The following DGKG variants were observed in gnomAD, a reference collection of about 807,000 sequenced individuals.
DGKG encodes DAG kinase gamma.
A neutral mutation model predicts 105.3 loss-of-function variants in DGKG; 78 were observed. The observed-to-expected ratio is 0.74, with a 90% CI of 0.62 to 0.89. The LOEUF is 0.89. Ranked by LOEUF, DGKG falls within the 40% of genes least tolerant of loss-of-function variation. The probability of loss-of-function intolerance (pLI) is 0.00; values close to 1 mark genes in which losing one functional copy is unlikely to be tolerated. For missense variants in DGKG, 958 were observed against 1,020.1 expected, an observed-to-expected ratio of 0.94 and a Z score of 0.83; for synonymous variants, 346 against 367.1, an observed-to-expected ratio of 0.94 and a Z score of 0.66.
At position 186,299,585 on chromosome 3, in the gene DGKG, C is replaced by T. The variant is rs13077910; in HGVS notation, c.145-1356G>A. Reference sequence around the variant, plus strand: ...CACATTTCTTGTGACAGCTACCCATCTCTCTGTTCCTTTTCTGTCCCCGAG... The same window carrying T: ...CACATTTCTTGTGACAGCTACCCATTTCTCTGTTCCTTTTCTGTCCCCGAG... On this transcript the variant is annotated intron_variant, in intron 3 of 24. Coordinates refer to ENST00000265022, the MANE Select transcript of DGKG (RefSeq NM_001346.3). 2.0e-5 allele frequency among the ~76,000 whole-genome samples: 3 copies of T among 152,152 alleles called. No individual in the cohort carries two copies. The East Asian group carries it at 5.8e-4, about 29-fold the overall frequency.
intron 21 of DGKG, among the ~76,000 whole-genome samples, chr3:186,207,721 C>T (rs7623188): frequency 0.18 from 26,725 of 152,226 alleles, 2,511 homozygotes; most frequent in Middle Eastern, 0.28. Flanking sequence ...AGGGCCCTGG[C>T]CATGTGTCTA....
At chr3:186,296,218 C>T (rs759302947) in intron 5 of DGKG, among the ~76,000 whole-genome samples, 21 of 152,072 alleles carry the variant, frequency 1.4e-4, no homozygotes, top group Non-Finnish European at 2.1e-4. Context: ...CTGTTCTAAG[C>T]GTTAACATAT....
chr3:186,189,365 G>C (rs187860930), intron 21 of DGKG, among the ~76,000 whole-genome samples: 91 of 152,268 alleles, frequency 6.0e-4, no homozygotes, highest in Admixed American at 5.4e-3. Flanking sequence ...CTTTGGCATC[G>C]TGCTTACCAA....
chr3:186,260,913 G>A (rs1347696511), intron 15 of DGKG, among the ~76,000 whole-genome samples: 1 of 152,186 alleles, frequency 6.6e-6, no homozygotes, highest in African/African-American at 2.4e-5. Context: ...AAGCATCACA[G>A]GACCCCCTCC....
chr3:186,239,866 G>T (rs1306100098), intron 20 of DGKG, among the ~76,000 whole-genome samples: 1 of 148,900 alleles, frequency 6.7e-6, no homozygotes, highest in African/African-American at 2.5e-5. Context: ...CAGTGAATTT[G>T]TTCATACTTT....
intron 22 of DGKG, among the ~76,000 whole-genome samples, chr3:186,184,752 C>T (rs536412223): frequency 6.6e-6 from 1 of 152,208 alleles, no homozygotes; most frequent in Admixed American, 6.5e-5. Flanking sequence ...CTTCCATTTC[C>T]TATGATAAGC....
intron 1 of DGKG, among the ~76,000 whole-genome samples, chr3:186,323,386 T>A (rs1725174447): frequency 6.6e-6 from 1 of 152,250 alleles, no homozygotes; most frequent in Non-Finnish European, 1.5e-5. Context: ...TTAGTCCTCT[T>A]AATAACATGT....
In DGKG at chr3:186,161,887, C is replaced by G. The variant is rs553227156; in HGVS notation, c.2217-224G>C. 1.2e-3 allele frequency among the ~76,000 whole-genome samples: 181 copies of G among 150,300 alleles called. 1 individual carries two copies. Among genetic ancestry groups the G allele is most frequent in the Admixed American group, 2.7e-3 (41 of 15,084 alleles). ...GGCCCAGTGGTCTGTGTTTCTGTGTCTGTGTGTGTGTGTGTGTGTGTTTTG... is the reference window on the plus strand; with the variant it reads ...GGCCCAGTGGTCTGTGTTTCTGTGTGTGTGTGTGTGTGTGTGTGTGTTTTG... On this transcript the variant is annotated intron_variant, in intron 23 of 24. Coordinates refer to ENST00000265022, the MANE Select transcript of DGKG (RefSeq NM_001346.3).
At chr3:186,272,233 C>T (rs377016219) in intron 11 of DGKG, 22 bp downstream of exon 11, 278 of 1,578,492 alleles carry the variant, frequency 1.8e-4, no homozygotes, top group Non-Finnish European at 2.1e-4. Flanking sequence ...TGCAGTAGAA[C>T]AAGGCAGTAG....
chr3:186,292,421 G>T (rs924208554), intron 5 of DGKG, among the ~76,000 whole-genome samples: 1 of 152,198 alleles, frequency 6.6e-6, no homozygotes, highest in Non-Finnish European at 1.5e-5. Context: ...AGAGGGGATT[G>T]CATTAAAACT....
Position 186,148,978 on chromosome 3 carries a change from A to AAAT in DGKG, c.*1111_*1112insATT. On this transcript the variant is annotated 3_prime_UTR_variant, in exon 25 of 25. Coordinates refer to ENST00000265022, the MANE Select transcript of DGKG (RefSeq NM_001346.3). ...AAATATTTATATATATATATATATA[A>AAAT]ATATATAGGCTAAATATATATATAT... The AAAT allele has an allele frequency of 6.6e-6, 4 of 601,568 alleles. No individual in the cohort carries two copies. The highest frequency in any genetic ancestry group is 7.3e-5 in the South Asian group (1 of 13,772). 37.3% of individuals were successfully genotyped at this position (601,568 alleles called of 1,614,324 possible). A position where few individuals can be genotyped will look rare whatever the true frequency, so the allele number is the denominator to read the frequency against.
At chr3:186,151,072 G>T (rs1038683597) in intron 24 of DGKG, among the ~76,000 whole-genome samples, 2 of 152,214 alleles carry the variant, frequency 1.3e-5, no homozygotes, top group African/African-American at 4.8e-5. Flanking sequence ...CCACTTCTTT[G>T]CTGTGAACAT....
chr3:186,205,054 C>G (rs1322689089), intron 21 of DGKG, among the ~76,000 whole-genome samples: 1 of 151,886 alleles, frequency 6.6e-6, no homozygotes, highest in Non-Finnish European at 1.5e-5. Context: ...GTCAGGAGTT[C>G]AAGACCAGCC....
At chr3:186,286,241 G>A (rs1161215759) in intron 6 of DGKG, among the ~76,000 whole-genome samples, 3 of 152,124 alleles carry the variant, frequency 2.0e-5, no homozygotes, top group Non-Finnish European at 4.4e-5. Flanking sequence ...TCCTCAGAAG[G>A]TCCCAGTCAG....
At chr3:186,197,595 CCT>C (rs1343839730) in intron 21 of DGKG, among the ~76,000 whole-genome samples, 1 of 152,086 alleles carries the variant, frequency 6.6e-6, no homozygotes, top group African/African-American at 2.4e-5. Flanking sequence ...CGGGGAGCAG[CCT>C]CTCTCTGTGA....
At chr3:186,199,944 C>T (rs941262828) in intron 21 of DGKG, among the ~76,000 whole-genome samples, 4 of 152,114 alleles carry the variant, frequency 2.6e-5, no homozygotes, top group Non-Finnish European at 5.9e-5. Context: ...ATGCAAGTGA[C>T]GAGATCAAGA....
At chr3:186,154,865 C>T (rs1715958122) in intron 24 of DGKG, among the ~76,000 whole-genome samples, 1 of 152,064 alleles carries the variant, frequency 6.6e-6, no homozygotes, top group South Asian at 2.1e-4. Context: ...CTTACTGAAC[C>T]AGAAAATCTG....
intron 2 of DGKG, among the ~76,000 whole-genome samples, chr3:186,313,157 G>A (rs1377928292): frequency 6.6e-6 from 1 of 152,160 alleles, no homozygotes; most frequent in Non-Finnish European, 1.5e-5. Context: ...AAAAAATACT[G>A]ATGCCCAGGC....
chr3:186,217,627 G>A (rs987750939), intron 20 of DGKG, among the ~76,000 whole-genome samples: 1 of 152,214 alleles, frequency 6.6e-6, no homozygotes, highest in African/African-American at 2.4e-5. Context: ...TTTTATGTTT[G>A]TCAGCAATTT....
Sources: gnomAD v4.1 joint callset for allele counts (sites outside exome capture counted in the v4.1 genomes callset) on GRCh38, gnomAD v4.1.1 for gene constraint, MANE v1.5 for transcripts, NCBI Gene and HGNC (gene_info 2026-07-23, HGNC 2026-07-21) for gene names.